Variants in GEMIN2 observed in about 807,000 individuals in gnomAD.
GEMIN2 encodes gem nuclear organelle associated protein 2, also known as gem-associated protein 2.
Under a neutral mutation model 45.8 loss-of-function variants are expected in GEMIN2, and 37 were observed. The observed-to-expected ratio is 0.81, with a 90% CI of 0.62 to 1.06. The LOEUF (loss-of-function observed/expected upper bound fraction) is 1.06. Ranked by LOEUF, GEMIN2 falls within the 50% of genes least tolerant of loss-of-function variation. The pLI is 0.00. For synonymous variants in GEMIN2, 101 were observed against 111.5 expected, an observed-to-expected ratio of 0.91 and a Z score of 0.60; for missense variants, 335 against 321.8, an observed-to-expected ratio of 1.04 and a Z score of -0.31.
chr14:39,128,720 G>T (rs1457757637), intron 7 of GEMIN2, among the ~76,000 whole-genome samples: 1 of 151,662 alleles, frequency 6.6e-6, no homozygotes, highest in Non-Finnish European at 1.5e-5. Context: ...GTCCAGGCTG[G>T]TCTTGAACTG....
intron 2 of GEMIN2, among the ~76,000 whole-genome samples, chr14:39,116,410 CTT>C (rs71130815): frequency 3.2e-4 from 42 of 133,066 alleles, no homozygotes; most frequent in South Asian, 7.1e-4. Flanking sequence ...ATTTCTTTTT[CTT>C]TTTTTTTTTT....
intron 8 of GEMIN2, among the ~76,000 whole-genome samples, 184 bp downstream of exon 8, chr14:39,132,252 C>T (rs1028093641): frequency 1.3e-5 from 2 of 152,080 alleles, no homozygotes; most frequent in Admixed American, 6.6e-5. Flanking sequence ...AAGTCTGAGC[C>T]GGGCGTGGTG....
At position 39,125,024 on chromosome 14, in the gene GEMIN2, C is replaced by A. The variant is rs535887611; in HGVS notation, c.519C>A (p.Ser173Arg). The part of the protein sequence containing the change: ...IGFPPLLSIV[S>R]RMNQATVTSV... ...TTCCTCCCTTGCTTAGTATTGTTAGCAGAATGAATCAGGTAAAATTAATAA... is the reference window on the plus strand; with the variant it reads ...TTCCTCCCTTGCTTAGTATTGTTAGAAGAATGAATCAGGTAAAATTAATAA... The change falls in exon 6 of 10, where the codon AGC (serine) becomes AGA (arginine). Residue 173 changes from serine (S) to arginine (R), a missense_variant. By Grantham distance (110) the Ser-to-Arg change is moderately radical. Transcript: ENST00000308317. 3.5e-6 allele frequency: 5 copies of A among 1,447,958 alleles called. No individual in the cohort carries two copies. The South Asian group carries it at 5.7e-5, about 17-fold the overall frequency. The allele number at this position is 1,447,958 out of a possible 1,614,324, so 89.7% of individuals were successfully genotyped here.
Position 39,124,991 on chromosome 14 carries a change from G to A in GEMIN2, c.487-1G>A. On this transcript the variant is annotated splice_acceptor_variant, in intron 5 of 9. Coordinates refer to ENST00000308317, the MANE Select transcript of GEMIN2 (RefSeq NM_003616.3). LOFTEE classifies it high-confidence loss of function. Reference sequence around the variant, plus strand: ...AAATTCAGTCTCATTTTTTCTTTCAGATTGGTTTTCCTCCCTTGCTTAGTA... The same window carrying A: ...AAATTCAGTCTCATTTTTTCTTTCAAATTGGTTTTCCTCCCTTGCTTAGTA... 1.4e-6 allele frequency: 2 copies of A among 1,472,228 alleles called. No individual in the cohort carries two copies. Among genetic ancestry groups the A allele is most frequent in the Non-Finnish European group, 1.9e-6 (2 of 1,055,548 alleles). 91.2% of individuals were successfully genotyped at this position (1,472,228 alleles called of 1,614,324 possible).
intron 5 of GEMIN2, among the ~76,000 whole-genome samples, chr14:39,124,639 G>GAC (rs1213183806): frequency 6.6e-6 from 1 of 151,904 alleles, no homozygotes; most frequent in Non-Finnish European, 1.5e-5. Context: ...TGGGCGTGTT[G>GAC]ACATGCACCT....
intron 7 of GEMIN2, among the ~76,000 whole-genome samples, chr14:39,130,588 T>C (rs2052703704): frequency 6.6e-6 from 1 of 152,146 alleles, no homozygotes; most frequent in Admixed American, 6.6e-5. Context: ...ATTCCCTTGT[T>C]AATCCCATTT....
In GEMIN2 at chr14:39,122,409, GTT is replaced by G. The variant is rs60205535; in HGVS notation, c.373-9_373-8del. On this transcript the variant is annotated intron_variant, in intron 4 of 9. Transcript: ENST00000308317. ...AAAATTAATACACAGGAATAAATCA[GTT>G]TTTTTTTTTTTCTTTTAGCCAAAAT... is the stretch of plus-strand genomic sequence containing the variant. 1.0e-4 allele frequency: 103 copies of G among 1,028,064 alleles called. No individual in the cohort carries two copies. Among genetic ancestry groups the G allele is most frequent in the Middle Eastern group, 4.4e-4 (2 of 4,498 alleles). The allele number at this position is 1,028,064 out of a possible 1,614,324, so 63.7% of individuals were successfully genotyped here.
chr14:39,124,354 T>A (rs538053246), intron 5 of GEMIN2, among the ~76,000 whole-genome samples: 24 of 152,348 alleles, frequency 1.6e-4, no homozygotes, highest in African/African-American at 5.5e-4. Context: ...CATATTAATG[T>A]CATCTTATCA....
At chr14:39,134,930 G>T (rs2052763875) in intron 9 of GEMIN2, among the ~76,000 whole-genome samples, 1 of 152,134 alleles carries the variant, frequency 6.6e-6, no homozygotes, top group African/African-American at 2.4e-5. Context: ...CTTACTTTAT[G>T]TATAGTATCT....
chr14:39,121,387 T>TA (rs1255210349), intron 4 of GEMIN2, among the ~76,000 whole-genome samples: 1 of 152,040 alleles, frequency 6.6e-6, no homozygotes, highest in African/African-American at 2.4e-5. Flanking sequence ...ATTTAAAAAT[T>TA]ATCAGGCATG....
chr14:39,129,087 C>T (rs1476671561), intron 7 of GEMIN2, among the ~76,000 whole-genome samples: 3 of 152,174 alleles, frequency 2.0e-5, no homozygotes, highest in Non-Finnish European at 2.9e-5. Flanking sequence ...CACTGCACTG[C>T]ACTCTAGCCT....
At chr14:39,120,908 G>A (rs534974362) in intron 4 of GEMIN2, among the ~76,000 whole-genome samples, 7 of 152,280 alleles carry the variant, frequency 4.6e-5, no homozygotes, top group Non-Finnish European at 1.0e-4. Context: ...TCCCTAGGGG[G>A]AAAATGCACC....
intron 2 of GEMIN2, among the ~76,000 whole-genome samples, chr14:39,116,625 T>TAA (rs1566529213): frequency 1.3e-5 from 2 of 152,088 alleles, no homozygotes; most frequent in South Asian, 2.1e-4. Flanking sequence ...AAGTAGTTTC[T>TAA]CTGATACTTG....
At chr14:39,122,032 T>A (rs2052579557) in intron 4 of GEMIN2, 1 of 178,608 alleles carries the variant, frequency 5.6e-6, no homozygotes, top group African/African-American at 2.4e-5. Flanking sequence ...AAGGTTGGTC[T>A]CTTCTGAGGC....
chr14:39,120,708 A>G (rs2052563570), intron 4 of GEMIN2, among the ~76,000 whole-genome samples: 1 of 152,024 alleles, frequency 6.6e-6, no homozygotes, highest in Non-Finnish European at 1.5e-5. Flanking sequence ...GCTCACTGCA[A>G]CCTCTGTCTC....
Position 39,128,266 on chromosome 14 carries a change from C to CTTTT in GEMIN2, c.532-6_532-3dup. ...TTAATACAACTCTTCTCCACCCCCT[C>CTTTT]TTTTTTTTTTTAGGCAACAGTAACT... On this transcript the variant is annotated splice_polypyrimidine_tract_variant and intron_variant, in intron 6 of 9. Coordinates refer to ENST00000308317, the MANE Select transcript of GEMIN2 (RefSeq NM_003616.3). The CTTTT allele has an allele frequency of 3.5e-6, 4 of 1,151,628 alleles. No homozygotes were observed. Among genetic ancestry groups the CTTTT allele is most frequent in the Admixed American group, 4.5e-5 (2 of 44,178 alleles). The allele number at this position is 1,151,628 out of a possible 1,614,324, so 71.3% of individuals were successfully genotyped here. A position where few individuals can be genotyped will look rare whatever the true frequency, so the allele number is the denominator to read the frequency against.
chr14:39,135,394 T>C (rs1308800116), intron 9 of GEMIN2, among the ~76,000 whole-genome samples: 1 of 152,050 alleles, frequency 6.6e-6, no homozygotes, highest in Non-Finnish European at 1.5e-5. Flanking sequence ...AAGACTAGCC[T>C]GGCCAACATG....
In GEMIN2 at chr14:39,128,284, C is replaced by T; in HGVS notation, c.536C>T (p.Thr179Ile). Reference sequence around the variant, plus strand: ...ACCCCCTCTTTTTTTTTTTAGGCAACAGTAACTAGTGTCTTGGAATATCTG... The same window carrying T: ...ACCCCCTCTTTTTTTTTTTAGGCAATAGTAACTAGTGTCTTGGAATATCTG... ...LSIVSRMNQATVTSVLEYLSN... is the reference protein window; with the variant it reads ...LSIVSRMNQAIVTSVLEYLSN... The change falls in exon 7 of 10, where the codon ACA becomes ATA. Residue 179 changes from threonine to isoleucine, a missense_variant. Physicochemically the swap from Thr to Ile is moderately conservative, Grantham distance 89. Coordinates refer to ENST00000308317, the MANE Select transcript of GEMIN2 (RefSeq NM_003616.3). 1 of 1,527,728 alleles carries T rather than the reference C, an allele frequency of 6.5e-7. No individual in the cohort carries two copies. Among genetic ancestry groups the T allele is most frequent in the Non-Finnish European group, 9.0e-7 (1 of 1,117,114 alleles). 94.6% of individuals were successfully genotyped at this position (1,527,728 alleles called of 1,614,324 possible).
intron 6 of GEMIN2, among the ~76,000 whole-genome samples, chr14:39,127,312 ACTC>A: frequency 7.2e-6 from 1 of 138,320 alleles, no homozygotes; most frequent in African/African-American, 2.7e-5. Flanking sequence ...CTGGTCTCAA[ACTC>A]CTGACCTCAG....
Sources: allele counts gnomAD v4.1 joint callset (sites outside exome capture counted in the v4.1 genomes callset), GRCh38; gene constraint gnomAD v4.1.1; transcripts MANE v1.5; gene names NCBI Gene and HGNC (gene_info 2026-07-23, HGNC 2026-07-21).